Variants in FARP2 observed in about 807,000 individuals in gnomAD.
The protein encoded by FARP2 is FERM, ARHGEF and pleckstrin domain-containing protein 2.
FARP2 carries 111 observed loss-of-function variants against 130.5 expected under a neutral mutation model. The ratio of observed to expected loss-of-function variants is 0.85; its 90% CI spans 0.73 to 1.00. The LOEUF (loss-of-function observed/expected upper bound fraction) is 1.00. Ranked by LOEUF, FARP2 falls within the 50% of genes least tolerant of loss-of-function variation. FARP2 has a pLI of 0.00. For missense variants in FARP2, 1,385 were observed against 1,346.3 expected (o/e 1.03, Z -0.45); for synonymous variants, 504 against 516.9 (o/e 0.98, Z 0.34).
intron 1 of FARP2, among the ~76,000 whole-genome samples, chr2:241,361,510 C>G (rs1178125865): frequency 6.6e-6 from 1 of 152,170 alleles, no homozygotes; most frequent in East Asian, 1.9e-4. Flanking sequence ...GGAACAGAGG[C>G]AGAGTTGCAG....
chr2:241,474,838 A>AATAAAAAG (rs1286652929), intron 18 of FARP2, among the ~76,000 whole-genome samples: 3 of 149,894 alleles, frequency 2.0e-5, no homozygotes, highest in East Asian at 2.0e-4. Flanking sequence ...TAAATAAATA[A>AATAAAAAG]AAAGAAAGAA....
chr2:241,440,041 T>G (rs908861563), intron 12 of FARP2, among the ~76,000 whole-genome samples: 2 of 152,198 alleles, frequency 1.3e-5, no homozygotes, highest in African/African-American at 4.8e-5. Flanking sequence ...GAATATTGAA[T>G]ATGGTTGAAT....
chr2:241,448,124 C>G (rs1428294459), intron 13 of FARP2, among the ~76,000 whole-genome samples: 1 of 152,198 alleles, frequency 6.6e-6, no homozygotes, highest in Non-Finnish European at 1.5e-5. Context: ...TCCTCAGAGC[C>G]CATGGATGGG....
At chr2:241,448,508 A>C (rs1487502851) in intron 13 of FARP2, among the ~76,000 whole-genome samples, 4 of 152,226 alleles carry the variant, frequency 2.6e-5, no homozygotes, top group African/African-American at 9.6e-5. Context: ...TTCCAATAGA[A>C]AGATTAATAA....
At chr2:241,420,083 C>G (rs762848215) in intron 8 of FARP2, among the ~76,000 whole-genome samples, 1 of 152,090 alleles carries the variant, frequency 6.6e-6, no homozygotes, top group Non-Finnish European at 1.5e-5. Context: ...CCCAGGAGGT[C>G]GAGGCTACAG....
intron 21 of FARP2, among the ~76,000 whole-genome samples, chr2:241,486,309 T>A (rs1288401834): frequency 8.9e-5 from 13 of 146,738 alleles, no homozygotes; most frequent in South Asian, 6.6e-4. Context: ...TTTTTTTTTT[T>A]AATTAGCTGA....
intron 7 of FARP2, 60 bp from the exon 8 acceptor site, chr2:241,417,901 AT>A: frequency 6.3e-7 from 1 of 1,578,000 alleles, no homozygotes; most frequent in Admixed American, 1.7e-5. Context: ...TCTATAATGC[AT>A]TTTGGCTCTT....
intron 2 of FARP2, among the ~76,000 whole-genome samples, chr2:241,396,207 G>A (rs1197251161): frequency 1.3e-5 from 2 of 151,896 alleles, no homozygotes; most frequent in East Asian, 1.9e-4. Context: ...AGACTTAAAC[G>A]TTAGACCTAA....
rs2064422326 is a variant in FARP2, at chr2:241,475,076, G to T, written c.2132-781G>T. On this transcript the variant is annotated intron_variant, in intron 18 of 26. Coordinates refer to ENST00000264042, the MANE Select transcript of FARP2 (RefSeq NM_014808.4). The surrounding 1 kb of genome is among the most constrained non-coding windows in gnomAD (Gnocchi z 4.4). ...ACTATAAGATTAGCATCTGTTCCTG[G>T]TTAAAAGAGAAAGTTACAATTGCTT... 6.6e-6 allele frequency among the ~76,000 whole-genome samples: 1 copy of T among 152,128 alleles called. No homozygotes were observed. The highest frequency in any genetic ancestry group is 1.5e-5 in the Non-Finnish European group (1 of 68,032).
chr2:241,383,872 G>A (rs575931440), intron 2 of FARP2, among the ~76,000 whole-genome samples: 6 of 152,222 alleles, frequency 3.9e-5, no homozygotes, highest in Admixed American at 1.3e-4. Context: ...GGCTCATTAG[G>A]CATCTGAGGA....
At chr2:241,402,836 TTATA>T (rs1215612816) in intron 2 of FARP2, among the ~76,000 whole-genome samples, 174 of 16,774 alleles carry the variant, frequency 0.01, 4 homozygotes, top group Admixed American at 0.02. Flanking sequence ...CCCAGCTAAT[TTATA>T]TATATATATA....
chr2:241,383,059 C>T lies in FARP2; in HGVS notation c.183+9769C>T, dbSNP rs564278029. ...GGTGAAGGAAAGGATAGAAAAATTA[C>T]GGAAAGCCACACAGATGGGATGTGG... On this transcript the variant is annotated intron_variant, in intron 2 of 26. Transcript: ENST00000264042. Among the ~76,000 whole-genome samples the T allele has an allele frequency of 9.3e-4, 142 of 152,298 alleles. 2 individuals carry two copies. The highest frequency in any genetic ancestry group is 6.8e-3 in the Middle Eastern group (2 of 294).
At chr2:241,436,058 A>G (rs1199489173) in intron 11 of FARP2, among the ~76,000 whole-genome samples, 1 of 150,772 alleles carries the variant, frequency 6.6e-6, no homozygotes, top group East Asian at 2.0e-4. Flanking sequence ...GACTACAGGC[A>G]CCCACCACCA....
chr2:241,441,535 C>T lies in FARP2; in HGVS notation c.1390C>T (p.Pro464Ser). 8 of 1,614,088 alleles carry T rather than the reference C, an allele frequency of 5.0e-6. No individual in the cohort carries two copies. Among genetic ancestry groups the T allele is most frequent in the Non-Finnish European group, 6.8e-6 (8 of 1,180,040 alleles). Reference protein sequence around the residue: ...DTPSAQPLGPPALQPGPGLST... With the variant: ...DTPSAQPLGPSALQPGPGLST... ...ACCATCGGCCCAGCCCCTCGGGCCC[C>T]CCGCACTCCAGCCTGGTCCAGGTGT... Residue 464 changes from proline to serine, a missense_variant, in exon 13 of 27, where the codon CCC (proline) becomes TCC (serine). Pro to Ser is a moderately conservative substitution (Grantham distance 74, BLOSUM62 -1). Coordinates refer to ENST00000264042, the MANE Select transcript of FARP2 (RefSeq NM_014808.4).
chr2:241,444,235 C>T (rs1163112084), intron 13 of FARP2: 1 of 152,254 alleles, frequency 6.6e-6, no homozygotes, highest in East Asian at 1.9e-4. Flanking sequence ...AAAATGTTAA[C>T]AGACAGAAGC....
At chr2:241,422,376 C>G (rs929892461) in intron 8 of FARP2, among the ~76,000 whole-genome samples, 2 of 151,672 alleles carry the variant, frequency 1.3e-5, no homozygotes, top group African/African-American at 4.8e-5. Flanking sequence ...GCACTCCACC[C>G]TGGGTGACAA....
chr2:241,366,399 C>T (rs2061321531), intron 1 of FARP2, among the ~76,000 whole-genome samples: 3 of 151,468 alleles, frequency 2.0e-5, no homozygotes, highest in Admixed American at 2.0e-4. Flanking sequence ...ATCAGGATAC[C>T]AGGTTGTAGA....
intron 6 of FARP2, 33 bp from the exon 7 acceptor site, chr2:241,413,274 A>G: frequency 7.4e-7 from 1 of 1,344,966 alleles, no homozygotes; most frequent in Non-Finnish European, 1.0e-6. Context: ...TAGTTTATTT[A>G]AAAATTAGTT....
At chr2:241,366,953 C>T (rs2150290353) in intron 1 of FARP2, among the ~76,000 whole-genome samples, 1 of 152,200 alleles carries the variant, frequency 6.6e-6, no homozygotes, top group Non-Finnish European at 1.5e-5. Flanking sequence ...TCCCCATTAG[C>T]ACCTGCCTTT....
Sources: allele counts gnomAD v4.1 joint callset (sites outside exome capture counted in the v4.1 genomes callset), GRCh38; gene constraint gnomAD v4.1.1; non-coding constraint Gnocchi (gnomAD v3.1); transcripts MANE v1.5; gene names NCBI Gene and HGNC (gene_info 2026-07-23, HGNC 2026-07-21).